The following KCNH6 variants were observed in gnomAD, a reference collection of about 807,000 sequenced individuals.
The protein encoded by KCNH6 is potassium voltage-gated channel subfamily H member 6.
KCNH6 carries 81 observed loss-of-function variants against 83.4 expected under a neutral mutation model. That is an observed-to-expected ratio of 0.97 (90% CI 0.81 to 1.17). The LOEUF (loss-of-function observed/expected upper bound fraction) is 1.17. KCNH6 is among the 50% of genes most tolerant of loss of function. KCNH6 has a pLI of 0.00. For synonymous variants in KCNH6, 503 were observed against 545.6 expected (o/e 0.92, Z 1.09); for missense variants, 1,203 against 1,290.5 (o/e 0.93, Z 1.04).
At chr17:63,537,034 G>A (rs1382203856) in intron 6 of KCNH6, among the ~76,000 whole-genome samples, 1 of 151,228 alleles carries the variant, frequency 6.6e-6, no homozygotes, top group Non-Finnish European at 1.5e-5. Context: ...CTTAGCATGC[G>A]GCTCCGTGTG....
rs145049476 is a variant in KCNH6, at chr17:63,523,480, G to T, written c.67G>T (p.Glu23Ter). The T allele has an allele frequency of 5.0e-6, 8 of 1,605,686 alleles. No homozygotes were observed. Among genetic ancestry groups the T allele is most frequent in the Non-Finnish European group, 6.8e-6 (8 of 1,176,060 alleles). ...TYLDTIIRKF[E>*]GQSRKFLIAN... ...CCTGGACACCATCATCCGCAAGTTC[G>T]AGGGCCAAAGTGAGTGTGTGTATGT... The change falls in exon 1 of 13, where the codon GAG becomes TAG. Residue 23 changes from glutamate (E) to a stop codon, truncating the protein, a stop_gained. Coordinates refer to ENST00000314672, the MANE Select transcript of KCNH6 (RefSeq NM_001278919.2). LOFTEE classifies it high-confidence loss of function. The surrounding 1 kb of genome is among the most constrained non-coding windows in gnomAD (Gnocchi z 4.2).
At chr17:63,543,735 A>C (rs1598013387) in intron 10 of KCNH6, 75 bp downstream of exon 10, 2 of 867,190 alleles carry the variant, frequency 2.3e-6, no homozygotes, top group East Asian at 2.5e-5. Flanking sequence ...TGTCCTCTCC[A>C]TCCTGCCTCC....
chr17:63,531,394 GC>G (rs1256576575), intron 4 of KCNH6, among the ~76,000 whole-genome samples: 1 of 152,210 alleles, frequency 6.6e-6, no homozygotes, highest in Non-Finnish European at 1.5e-5. Flanking sequence ...AGTAGTTCTG[GC>G]CCCAGGAGGC....
chr17:63,536,097 C>T (rs756576645), intron 6 of KCNH6, 29 bp downstream of exon 6: 2 of 1,600,890 alleles, frequency 1.2e-6, no homozygotes, highest in Admixed American at 1.7e-5. Context: ...CACGGCCTAA[C>T]TTCATGCTCT....
rs2032639051 is a variant in KCNH6, at chr17:63,538,273, C to T, written c.1701+9C>T. On this transcript the variant is annotated intron_variant, in intron 7 of 12. Transcript: ENST00000314672. The surrounding 1 kb of genome is among the most constrained non-coding windows in gnomAD (Gnocchi z 4.0). ...GCATTGACATGAACGCGGTGAGCCC[C>T]GCCGCTCCGGCTAATGCCCCGGGCG... 1 of 1,611,510 alleles carries T rather than the reference C, an allele frequency of 6.2e-7. No individual in the cohort carries two copies. The highest frequency in any genetic ancestry group is 8.5e-7 in the Non-Finnish European group (1 of 1,179,384).
chr17:63,545,863 T>C lies in KCNH6; in HGVS notation c.2838T>C (p.His946=), dbSNP rs2033123520. The C allele has an allele frequency of 3.7e-6, 6 of 1,614,034 alleles. No homozygotes were observed. Among genetic ancestry groups the C allele is most frequent in the Non-Finnish European group, 5.1e-6 (6 of 1,180,010 alleles). Residue 946 remains histidine, a synonymous_variant, in exon 13 of 13, where the codon CAT becomes CAC. Coordinates refer to ENST00000314672, the MANE Select transcript of KCNH6 (RefSeq NM_001278919.2). ...SVPKQLDFQR[H]GSDPGFAGSW... ...CCAAGCAGCTGGACTTCCAGAGACA[T>C]GGCTCAGATCCTGGATTTGCAGGGA...
chr17:63,528,231 C>A (rs556808149), intron 2 of KCNH6, among the ~76,000 whole-genome samples: 13 of 152,360 alleles, frequency 8.5e-5, no homozygotes, highest in African/African-American at 2.9e-4. Flanking sequence ...CCACGTGTCA[C>A]CATGCCCCAG....
rs547374404 is a variant in KCNH6 at position 63,534,494 on chromosome 17, C to G, written c.1101+183C>G. ...CTCCCAGCCCTGGAGAAGGACCTGC[C>G]AAGGCTGCACCCCCAGGCCTCTGTC... On this transcript the variant is annotated intron_variant, in intron 5 of 12. Coordinates refer to ENST00000314672, the MANE Select transcript of KCNH6 (RefSeq NM_001278919.2). The surrounding 1 kb of genome is among the most constrained non-coding windows in gnomAD (Gnocchi z 5.0). 4.6e-5 allele frequency among the ~76,000 whole-genome samples: 7 copies of G among 152,242 alleles called. No homozygotes were observed. In the South Asian group the frequency reaches 1.2e-3, roughly 27 times the overall value.
At chr17:63,544,219 C>A in intron 10 of KCNH6, 30 bp from the exon 11 acceptor site, 1 of 1,589,582 alleles carries the variant, frequency 6.3e-7, no homozygotes, top group Non-Finnish European at 8.6e-7. Flanking sequence ...CCAGCTAGGC[C>A]CAGCTGAGAC....
Position 63,538,518 on chromosome 17 carries a change from C to T in KCNH6, c.1810C>T (p.Arg604Cys), listed in dbSNP as rs768904108. Residue 604 changes from arginine to cysteine, a missense_variant, in exon 8 of 13, where the codon CGC (arginine) becomes TGC (cysteine). By Grantham distance (180) the Arg-to-Cys change is radical (BLOSUM62 -3). Transcript: ENST00000314672. The surrounding 1 kb of genome is among the most constrained non-coding windows in gnomAD (Gnocchi z 4.0). ...CAGCGGCGCCGGCAAGGGCTGCCTGCGCGCGCTAGCCGTCAAGTTCAAGAC... is the reference window on the plus strand; with the variant it reads ...CAGCGGCGCCGGCAAGGGCTGCCTGTGCGCGCTAGCCGTCAAGTTCAAGAC... ...AFSGAGKGCL[R>C]ALAVKFKTTH... The T allele has an allele frequency of 1.9e-6, 3 of 1,604,914 alleles. No homozygotes were observed. Among genetic ancestry groups the T allele is most frequent in the Non-Finnish European group, 2.6e-6 (3 of 1,176,252 alleles).
At position 63,533,914 on chromosome 17, in the gene KCNH6, C is replaced by T. The variant is rs146488435; in HGVS notation, c.704C>T (p.Pro235Leu). 73 of 1,613,628 alleles carry T rather than the reference C, an allele frequency of 4.5e-5. No individual in the cohort carries two copies. The African/African-American group carries it at 5.1e-4, about 11-fold the overall frequency. Residue 235 changes from proline (P) to leucine (L), a missense_variant, in exon 5 of 13, where the codon CCG becomes CTG. Transcript: ENST00000314672. The surrounding 1 kb of genome is among the most constrained non-coding windows in gnomAD (Gnocchi z 4.1). Reference sequence around the variant, plus strand: ...CTGTCCCTGGGCGCGGATGTGCTGCCGGAGTACAAGCTGCAGGCGCCGCGC... The same window carrying T: ...CTGTCCCTGGGCGCGGATGTGCTGCTGGAGTACAAGCTGCAGGCGCCGCGC... ...QVLSLGADVL[P>L]EYKLQAPRIH...
intron 11 of KCNH6, 23 bp from the exon 12 acceptor site, chr17:63,545,055 G>C: frequency 6.2e-7 from 1 of 1,609,280 alleles, no homozygotes; most frequent in Non-Finnish European, 8.5e-7. Flanking sequence ...CCCTGACCCT[G>C]ACTGTGGGGT....
chr17:63,530,592 T>TCCCCTCCCAGGCTCTGGGC, intron 4 of KCNH6, 50 bp downstream of exon 4: 1 of 1,562,874 alleles, frequency 6.4e-7, no homozygotes, highest in Non-Finnish European at 8.8e-7. Flanking sequence ...GCCTCCAGGG[T>TCCCCTCCCAGGCTCTGGGC]CCCCTCCCAG....
At position 63,544,326 on chromosome 17, in the gene KCNH6, AG is replaced by A. The variant is rs2033036345; in HGVS notation, c.2312del (p.Ser771ThrfsTer14). On this transcript the variant is annotated frameshift_variant, in exon 11 of 13. Coordinates refer to ENST00000314672, the MANE Select transcript of KCNH6 (RefSeq NM_001278919.2). LOFTEE classifies it high-confidence loss of function. ...ACTGCAGGAAATGCCCCCAAGGCAC[AG>A]CCCCCAAAGCCCTCAGGAAGACCCA... Reference protein sequence around the residue: ...ELLQEMPPRHSPQSPQEDPDC... With the variant: ...ELLQEMPPRHXPQSPQEDPDC... 1.9e-6 allele frequency: 3 copies of A among 1,612,142 alleles called. No homozygotes were observed. The highest frequency in any genetic ancestry group is 1.7e-6 in the Non-Finnish European group (2 of 1,179,190).
At position 63,534,358 on chromosome 17, in the gene KCNH6, G is replaced by A. The variant is rs376722777; in HGVS notation, c.1101+47G>A. ...CAGCAGCCATGGCTGTCCTCTGCAC[G>A]CTGGCCTCAAGCCCTCCCTGCTGCA... is the stretch of plus-strand genomic sequence containing the variant. On this transcript the variant is annotated intron_variant, in intron 5 of 12. Transcript: ENST00000314672. The surrounding 1 kb of genome is among the most constrained non-coding windows in gnomAD (Gnocchi z 5.0). The A allele has an allele frequency of 1.6e-5, 25 of 1,547,902 alleles. No individual in the cohort carries two copies. The highest frequency in any genetic ancestry group is 1.6e-4 in the Admixed American group (9 of 56,790).
In KCNH6 at chr17:63,524,367, A is replaced by T. The variant is rs2147615234; in HGVS notation, c.305A>T (p.Asp102Val). Residue 102 changes from aspartate to valine, a missense_variant and splice_region_variant, in exon 2 of 13, where the codon GAT becomes GTT. Coordinates refer to ENST00000314672, the MANE Select transcript of KCNH6 (RefSeq NM_001278919.2). ...GTGGACATCCTCTACTACCGCAAGG[A>T]TGGTGAGGCATACTCAGGCCAGAGG... ...CKVDILYYRK[D>V]ASSFRCLVDV... 1 of 1,611,562 alleles carries T rather than the reference A, an allele frequency of 6.2e-7. No homozygotes were observed. Among genetic ancestry groups the T allele is most frequent in the Admixed American group, 1.7e-5 (1 of 60,000 alleles).
intron 2 of KCNH6, among the ~76,000 whole-genome samples, chr17:63,526,330 A>T (rs893822308): frequency 3.9e-5 from 6 of 151,908 alleles, no homozygotes; most frequent in African/African-American, 1.5e-4. Context: ...CACTAAGGGA[A>T]GGATATTGTG....
At position 63,545,882 on chromosome 17, in the gene KCNH6, G is replaced by A. The variant is rs1316971458; in HGVS notation, c.2857G>A (p.Ala953Thr). 1 of 1,613,920 alleles carries A rather than the reference G, an allele frequency of 6.2e-7. No homozygotes were observed. The highest frequency in any genetic ancestry group is 1.1e-5 in the South Asian group (1 of 91,084). The change falls in exon 13 of 13, where the codon GCA (alanine) becomes ACA (threonine). Residue 953 changes from alanine (A) to threonine (T), a missense_variant. Coordinates refer to ENST00000314672, the MANE Select transcript of KCNH6 (RefSeq NM_001278919.2). ...GAGACATGGCTCAGATCCTGGATTT[G>A]CAGGGAGTTGGGGCCACTGAACTCC... ...FQRHGSDPGF[A>T]GSWGH
chr17:63,534,890 C>T lies in KCNH6; in HGVS notation c.1101+579C>T, dbSNP rs909813424. 1.3e-5 allele frequency among the ~76,000 whole-genome samples: 2 copies of T among 152,130 alleles called. No individual in the cohort carries two copies. The highest frequency in any genetic ancestry group is 2.9e-5 in the Non-Finnish European group (2 of 68,008). On this transcript the variant is annotated intron_variant, in intron 5 of 12. Coordinates refer to ENST00000314672, the MANE Select transcript of KCNH6 (RefSeq NM_001278919.2). This position sits in a 1 kb window ranked among gnomAD's most constrained non-coding sequence, Gnocchi z 5.0. ...GTCCAGCAGGGGGTGTCCAGCAGGG[C>T]TCCTCTGCTCCAAAGCCCCCTAAGA...
Sources: gnomAD v4.1 joint callset for allele counts (sites outside exome capture counted in the v4.1 genomes callset) on GRCh38, gnomAD v4.1.1 for gene constraint, Gnocchi (gnomAD v3.1) non-coding constraint, MANE v1.5 for transcripts, NCBI Gene and HGNC (gene_info 2026-07-23, HGNC 2026-07-21) for gene names.